SPAG7: variants seen among roughly 807,000 people sequenced by gnomAD.
SPAG7 encodes the protein sperm associated antigen 7, also known as sperm-associated antigen 7.
Under a neutral mutation model 30.6 loss-of-function variants are expected in SPAG7, and 20 were observed. The observed-to-expected ratio is 0.65, with a 90% CI of 0.46 to 0.95. The LOEUF is 0.95. SPAG7 is among the 40% of genes least tolerant of loss of function. The pLI is 0.00. For missense variants in SPAG7, 276 were observed against 291.1 expected, an observed-to-expected ratio of 0.95 and a Z score of 0.38; for synonymous variants, 127 against 104.2, an observed-to-expected ratio of 1.22 and a Z score of -1.33.
At chr17:4,959,979 G>A in intron 5 of SPAG7, 43 bp downstream of exon 5, 1 of 1,613,490 alleles carries the variant, frequency 6.2e-7, no homozygotes, top group Admixed American at 1.7e-5. Flanking sequence ...CCCCTCCCAG[G>A]TGGTGGGCTT....
intron 1 of SPAG7, chr17:4,966,893 C>T: frequency 1.0e-6 from 1 of 985,544 alleles, no homozygotes; most frequent in Non-Finnish European, 1.2e-6. Context: ...TGGGACAGGG[C>T]TCGTCCGTGG....
In SPAG7 at chr17:4,960,822, C is replaced by T. The variant is rs137951044; in HGVS notation, c.117G>A (p.Glu39=). 99 of 1,614,126 alleles carry T rather than the reference C, an allele frequency of 6.1e-5. 1 individual carries two copies. The African/African-American group carries it at 9.7e-4, about 16-fold the overall frequency. The change falls in exon 2 of 7, where the codon GAG becomes GAA. Residue 39 remains glutamate (E), a synonymous_variant. Transcript: ENST00000206020. The part of the protein sequence containing the change: ...EQAARLKKLQ[E]QEKQQKVEFR... Reference sequence around the variant, plus strand: ...ACTCCACTTTCTGTTGTTTCTCTTGCTCTTGTAGTTTCTTCAGGCGGGCGG... The same window carrying T: ...ACTCCACTTTCTGTTGTTTCTCTTGTTCTTGTAGTTTCTTCAGGCGGGCGG...
At chr17:4,964,940 G>A (rs1258386016) in intron 1 of SPAG7, among the ~76,000 whole-genome samples, 7 of 134,626 alleles carry the variant, frequency 5.2e-5, no homozygotes, top group South Asian at 4.7e-4. Flanking sequence ...ATGGAGTTTC[G>A]CTCTCTTTGC....
In SPAG7 at chr17:4,960,485, T is replaced by C. The variant is rs1227636967; in HGVS notation, c.216A>G (p.Pro72=). 1.2e-6 allele frequency: 2 copies of C among 1,601,928 alleles called. No individual in the cohort carries two copies. The highest frequency in any genetic ancestry group is 8.5e-7 in the Non-Finnish European group (1 of 1,176,552). ...DSGQIKKKFQ[P]MNKIERSILH... The stretch of plus-strand genomic sequence containing the variant: ...GTATGCTCCTCTCGATCTTGTTCAT[T>C]GGCTGAAACTTTTTCTTGATCTGCC... Residue 72 remains proline, a synonymous_variant, in exon 3 of 7, where the codon CCA becomes CCG. Transcript: ENST00000206020.
intron 1 of SPAG7, chr17:4,967,048 A>C: frequency 1.0e-6 from 1 of 985,624 alleles, no homozygotes; most frequent in Non-Finnish European, 1.2e-6. Context: ...ACCCGCAGGG[A>C]AGCTACTCCG....
At chr17:4,961,313 C>T (rs987441659) in intron 1 of SPAG7, among the ~76,000 whole-genome samples, 5 of 151,294 alleles carry the variant, frequency 3.3e-5, no homozygotes, top group African/African-American at 9.7e-5. Flanking sequence ...AAAAATTAGC[C>T]GGGTGTGGTG....
intron 2 of SPAG7, 111 bp downstream of exon 2, chr17:4,960,675 T>C: frequency 7.3e-7 from 1 of 1,373,442 alleles, no homozygotes; most frequent in Non-Finnish European, 1.0e-6. Flanking sequence ...CTGGCTTCCA[T>C]GCGTCACCTC....
intron 1 of SPAG7, among the ~76,000 whole-genome samples, chr17:4,965,375 G>A (rs1426036196): frequency 6.6e-6 from 1 of 152,016 alleles, no homozygotes; most frequent in Non-Finnish European, 1.5e-5. Flanking sequence ...CTTTGCACAC[G>A]TTGTTCCTCT....
At chr17:4,960,193 A>C in intron 4 of SPAG7, 41 bp downstream of exon 4, 1 of 1,605,926 alleles carries the variant, frequency 6.2e-7, no homozygotes, top group Non-Finnish European at 8.5e-7. Flanking sequence ...GGATAAGGCT[A>C]CAAAGGGGAG....
At position 4,959,742 on chromosome 17, in the gene SPAG7, G is replaced by A; in HGVS notation, c.574+18C>T. ...TATGCTCCTCTCCCAGCCACCCCCA[G>A]CCGCACTGTGGCCTCACCACAGCCG... On this transcript the variant is annotated intron_variant, in intron 6 of 6. Coordinates refer to ENST00000206020, the MANE Select transcript of SPAG7 (RefSeq NM_004890.3). 2 of 1,614,150 alleles carry A rather than the reference G, an allele frequency of 1.2e-6. No homozygotes were observed. The highest frequency in any genetic ancestry group is 2.2e-5 in the East Asian group (1 of 44,886).
Position 4,966,849 on chromosome 17 carries a change from G to A in SPAG7, c.85+871C>T, listed in dbSNP as rs1337993921. On this transcript the variant is annotated intron_variant, in intron 1 of 6. Coordinates refer to ENST00000206020, the MANE Select transcript of SPAG7 (RefSeq NM_004890.3). ...CCCTTGAATACTTGGAAGGCGTCCT[G>A]CCTGCTCTGGTCCCCCTGGGGCACG... 13 of 985,400 alleles carry A rather than the reference G, an allele frequency of 1.3e-5. No individual in the cohort carries two copies. In the East Asian group the frequency reaches 1.2e-3, roughly 94 times the overall value. 61.0% of individuals were successfully genotyped at this position (985,400 alleles called of 1,614,324 possible). A position where few individuals can be genotyped will look rare whatever the true frequency, so the allele number is the denominator to read the frequency against.
chr17:4,964,553 A>G (rs1397690417), intron 1 of SPAG7, among the ~76,000 whole-genome samples: 1 of 151,366 alleles, frequency 6.6e-6, no homozygotes, highest in Non-Finnish European at 1.5e-5. Flanking sequence ...AGTGGAGACA[A>G]GGTTTCACCG....
At chr17:4,959,719 T>A in intron 6 of SPAG7, 41 bp downstream of exon 6, 2 of 1,614,090 alleles carry the variant, frequency 1.2e-6, no homozygotes, top group Non-Finnish European at 1.7e-6. Flanking sequence ...CCGCATCCTA[T>A]GCTCCTCTCC....
At position 4,960,015 on chromosome 17, in the gene SPAG7, A is replaced by T. The variant is rs75170185; in HGVS notation, c.417+7T>A. ...CTGGACCCCAAGGGCTGCAAAGCAT[A>T]GCTCACCTTCAGCTTCCGCTTCTCC... On this transcript the variant is annotated splice_region_variant and intron_variant, in intron 5 of 6. Coordinates refer to ENST00000206020, the MANE Select transcript of SPAG7 (RefSeq NM_004890.3). 16,714 of 1,614,006 alleles carry T rather than the reference A, an allele frequency of 0.01. 676 individuals carry two copies. In the African/African-American group the frequency reaches 0.11, roughly 10 times the overall value.
intron 1 of SPAG7, 90 bp downstream of exon 1, chr17:4,967,630 A>T: frequency 3.0e-6 from 3 of 1,005,952 alleles, no homozygotes; most frequent in South Asian, 1.3e-5. Flanking sequence ...GGGGTCTTTC[A>T]AGGTTGAGGA....
In SPAG7 at chr17:4,960,137, C is replaced by G. The variant is rs1971837250; in HGVS notation, c.328-26G>C. The G allele has an allele frequency of 2.5e-6, 4 of 1,604,200 alleles. No individual in the cohort carries two copies. In the African/African-American group the frequency reaches 5.4e-5, roughly 21 times the overall value. ...CTGAAGAAGAGCAGAATGATGGGGTCAGAGTCCATACAAATGTTTCATTTC... is the reference window on the plus strand; with the variant it reads ...CTGAAGAAGAGCAGAATGATGGGGTGAGAGTCCATACAAATGTTTCATTTC... On this transcript the variant is annotated intron_variant, in intron 4 of 6. Coordinates refer to ENST00000206020, the MANE Select transcript of SPAG7 (RefSeq NM_004890.3).
chr17:4,964,202 G>A (rs567458185), intron 1 of SPAG7, among the ~76,000 whole-genome samples: 2 of 152,136 alleles, frequency 1.3e-5, no homozygotes, highest in African/African-American at 2.4e-5. Flanking sequence ...GCCTCTGGAG[G>A]AGGAGGAAGA....
In SPAG7 at chr17:4,964,798, C is replaced by T. The variant is rs546903083; in HGVS notation, c.85+2922G>A. On this transcript the variant is annotated intron_variant, in intron 1 of 6. Coordinates refer to ENST00000206020, the MANE Select transcript of SPAG7 (RefSeq NM_004890.3). ...GTGCCCAGGCTGGAGTGCAGTGGCG[C>T]GATCTCGGCTCACTGCAACCTCTGC... Among the ~76,000 whole-genome samples the T allele has an allele frequency of 6.3e-4, 96 of 152,180 alleles. 1 individual carries two copies. The highest frequency in any genetic ancestry group is 4.1e-3 in the East Asian group (21 of 5,180).
chr17:4,959,875 C>G lies in SPAG7; in HGVS notation c.459G>C (p.Gly153=). Residue 153 remains glycine, a synonymous_variant, in exon 6 of 7, where the codon GGG becomes GGC. Coordinates refer to ENST00000206020, the MANE Select transcript of SPAG7 (RefSeq NM_004890.3). ...QRQEEEAAQQ[G]PVVVSPASDY... ...CGCTGGCAGGGCTCACCACCACAGG[C>G]CCCTGCTGGGCTGCCTCCTCCTCTT... 5.0e-6 allele frequency: 8 copies of G among 1,613,848 alleles called. No homozygotes were observed. Among genetic ancestry groups the G allele is most frequent in the Non-Finnish European group, 6.8e-6 (8 of 1,180,028 alleles).
Sources: gnomAD v4.1 joint callset for allele counts (sites outside exome capture counted in the v4.1 genomes callset) on GRCh38, gnomAD v4.1.1 for gene constraint, MANE v1.5 for transcripts, NCBI Gene and HGNC (gene_info 2026-07-23, HGNC 2026-07-21) for gene names.